Variants in TRIT1 observed in about 807,000 individuals in gnomAD.
The protein encoded by TRIT1 is tRNA isopentenyltransferase 1.
In TRIT1, 43 loss-of-function variants were observed where a neutral mutation model predicts 51.2. The observed-to-expected ratio is 0.84, with a 90% CI of 0.66 to 1.08. TRIT1 has a LOEUF of 1.08. TRIT1 is among the 50% of genes least tolerant of loss of function. TRIT1 has a pLI of 0.00. For synonymous variants in TRIT1, 184 were observed against 203.9 expected, an observed-to-expected ratio of 0.90 and a Z score of 0.83; for missense variants, 528 against 578.4, an observed-to-expected ratio of 0.91 and a Z score of 0.89.
At position 39,841,480 on chromosome 1, in the gene TRIT1, C is replaced by G. The variant is rs1641899575; in HGVS notation, c.*264G>C. The G allele has an allele frequency of 3.3e-6, 1 of 305,152 alleles. No individual in the cohort carries two copies. Among genetic ancestry groups the G allele is most frequent in the African/African-American group, 2.2e-5 (1 of 45,642 alleles). The allele number at this position is 305,152 out of a possible 1,614,324, so 18.9% of individuals were successfully genotyped here. ...TCTGTGCTGCTTTTAATAATAGAAC[C>G]TTTAAGGTTCAAAGAAAAAAAAAAT... On this transcript the variant is annotated 3_prime_UTR_variant, in exon 11 of 11. Coordinates refer to ENST00000316891, the MANE Select transcript of TRIT1 (RefSeq NM_017646.6).
At chr1:39,873,622 A>G (rs759554794) in intron 1 of TRIT1, among the ~76,000 whole-genome samples, 1 of 152,228 alleles carries the variant, frequency 6.6e-6, no homozygotes, top group Non-Finnish European at 1.5e-5. Flanking sequence ...TCAATTTCTT[A>G]GTTTTAATAA....
chr1:39,863,610 G>A (rs61779845), intron 1 of TRIT1, among the ~76,000 whole-genome samples: 22,238 of 151,902 alleles, frequency 0.15, 2,073 homozygotes, highest in Non-Finnish European at 0.22. Context: ...CCACTTTGTT[G>A]CACCTCTATT....
chr1:39,871,297 A>G (rs966132301), intron 1 of TRIT1, among the ~76,000 whole-genome samples: 8 of 152,238 alleles, frequency 5.3e-5, no homozygotes, highest in Non-Finnish European at 1.0e-4. Flanking sequence ...GAAGAATTTT[A>G]AACGTATTTT....
In TRIT1 at chr1:39,870,319, G is replaced by C. The variant is rs564154947; in HGVS notation, c.175-12902C>G. ...ACAGATGCTTGAAGGCAGCATGCTCGTAAAGAGTCATCACCACTCCCTAAT... is the reference window on the plus strand; with the variant it reads ...ACAGATGCTTGAAGGCAGCATGCTCCTAAAGAGTCATCACCACTCCCTAAT... On this transcript the variant is annotated intron_variant, in intron 1 of 10. Coordinates refer to ENST00000316891, the MANE Select transcript of TRIT1 (RefSeq NM_017646.6). 3.3e-3 allele frequency among the ~76,000 whole-genome samples: 495 copies of C among 151,878 alleles called. 2 individuals are homozygous for C. Among genetic ancestry groups the C allele is most frequent in the African/African-American group, 9.3e-3 (382 of 41,256 alleles).
chr1:39,859,290 A>C (rs1378347347), intron 1 of TRIT1, among the ~76,000 whole-genome samples: 29 of 130,286 alleles, frequency 2.2e-4, no homozygotes, highest in South Asian at 1.5e-3. Flanking sequence ...AAAAAAAAAA[A>C]AAAAAACGAA....
At chr1:39,858,301 T>C (rs12028138) in intron 1 of TRIT1, among the ~76,000 whole-genome samples, 9,793 of 152,194 alleles carry the variant, frequency 0.064, 778 homozygotes, top group East Asian at 0.18. Flanking sequence ...ATAAGTACAG[T>C]ACAGTGTAAT....
chr1:39,860,951 G>A (rs969690889), intron 1 of TRIT1, among the ~76,000 whole-genome samples: 1 of 152,052 alleles, frequency 6.6e-6, no homozygotes, highest in African/African-American at 2.4e-5. Context: ...GGTGGCGCAC[G>A]CCTGTAATCT....
chr1:39,880,369 G>T (rs1237519975), intron 1 of TRIT1, among the ~76,000 whole-genome samples: 1 of 151,642 alleles, frequency 6.6e-6, no homozygotes. Context: ...TTTGCCTGTG[G>T]AGTTACTTGA....
At chr1:39,849,457 T>G (rs1292710617) in intron 5 of TRIT1, among the ~76,000 whole-genome samples, 1 of 152,168 alleles carries the variant, frequency 6.6e-6, no homozygotes, top group Non-Finnish European at 1.5e-5. Flanking sequence ...CCCCCCAAGA[T>G]AATATTCGTC....
intron 1 of TRIT1, among the ~76,000 whole-genome samples, chr1:39,872,573 T>C (rs1188590507): frequency 6.6e-6 from 1 of 152,148 alleles, no homozygotes; most frequent in Non-Finnish European, 1.5e-5. Flanking sequence ...AGAATGAATC[T>C]TGTGGTGCTG....
chr1:39,861,783 G>T (rs1643259265), intron 1 of TRIT1, among the ~76,000 whole-genome samples: 2 of 151,992 alleles, frequency 1.3e-5, no homozygotes. Context: ...AATTAGCCAG[G>T]CGTGGTAGCA....
At chr1:39,881,798 T>C (rs1349709677) in intron 1 of TRIT1, 1 of 152,214 alleles carries the variant, frequency 6.6e-6, no homozygotes, top group Admixed American at 6.5e-5. Flanking sequence ...ATTTCTCCTG[T>C]CTCAGAAATT....
chr1:39,883,291 G>A (rs1349043361), intron 1 of TRIT1, 27 bp downstream of exon 1: 1 of 1,584,876 alleles, frequency 6.3e-7, no homozygotes. Context: ...GGGTCCCCAG[G>A]CGCCCGGGCC....
chr1:39,876,335 G>C (rs1644051365), intron 1 of TRIT1, among the ~76,000 whole-genome samples: 1 of 152,054 alleles, frequency 6.6e-6, no homozygotes, highest in Non-Finnish European at 1.5e-5. Flanking sequence ...GCTCTCCTAT[G>C]GTTTCCTGTT....
At chr1:39,851,995 T>C (rs968430231) in intron 4 of TRIT1, among the ~76,000 whole-genome samples, 1 of 151,462 alleles carries the variant, frequency 6.6e-6, no homozygotes, top group Non-Finnish European at 1.5e-5. Flanking sequence ...TTTTAAATCC[T>C]ATATTCTAAC....
chr1:39,874,194 CA>C (rs1643971593), intron 1 of TRIT1, among the ~76,000 whole-genome samples: 1 of 151,866 alleles, frequency 6.6e-6, no homozygotes. Flanking sequence ...ATTATAAAAA[CA>C]ATAATATAGG....
At chr1:39,845,899 G>A (rs1451412841) in intron 8 of TRIT1, among the ~76,000 whole-genome samples, 2 of 152,178 alleles carry the variant, frequency 1.3e-5, no homozygotes, top group Admixed American at 6.5e-5. Context: ...GCATACACAC[G>A]AATGAGGAAC....
Position 39,841,658 on chromosome 1 carries a change from T to C in TRIT1, c.*86A>G. On this transcript the variant is annotated 3_prime_UTR_variant, in exon 11 of 11. Transcript: ENST00000316891. ...CTATGCAGAGAATTCCGCATAGCAC[T>C]CCTTTGCCCAGACTGGGAGACAAAC... 1 of 1,387,384 alleles carries C rather than the reference T, an allele frequency of 7.2e-7. No individual in the cohort carries two copies. Among genetic ancestry groups the C allele is most frequent in the Non-Finnish European group, 9.7e-7 (1 of 1,028,522 alleles). 85.9% of individuals were successfully genotyped at this position (1,387,384 alleles called of 1,614,324 possible).
In TRIT1 at chr1:39,844,104, C is replaced by T. The variant is rs1480188897; in HGVS notation, c.1231G>A (p.Ala411Thr). Residue 411 changes from alanine to threonine, a missense_variant, in exon 10 of 11, where the codon GCA (alanine) becomes ACA (threonine). By Grantham distance (58) the Ala-to-Thr change is moderately conservative (BLOSUM62 0). This residue lies in a region of TRIT1 where 468 missense variants were observed against 522.6 expected (regional missense o/e 0.90). Transcript: ENST00000316891. ...CATGCCCCTCCCCATACTCTACCTG[C>T]CCATTCGCGATCCCCAATGATGATT... ...DRIIIGDREW[A>T]AHIKSKSHLN... 6.2e-7 allele frequency: 1 copy of T among 1,611,838 alleles called. No homozygotes were observed. The highest frequency in any genetic ancestry group is 1.3e-5 in the African/African-American group (1 of 74,894).
Sources: allele counts gnomAD v4.1 joint callset (sites outside exome capture counted in the v4.1 genomes callset), GRCh38; gene constraint gnomAD v4.1.1; regional missense constraint gnomAD v4.1.1; transcripts MANE v1.5; gene names NCBI Gene and HGNC (gene_info 2026-07-23, HGNC 2026-07-21).